Variants in COP1 observed in about 807,000 individuals in gnomAD.
COP1 encodes COP1 E3 ubiquitin ligase.
COP1 carries 24 observed loss-of-function variants against 101.3 expected under a neutral mutation model. The ratio of observed to expected loss-of-function variants is 0.24; its 90% confidence interval spans 0.17 to 0.33. The LOEUF (loss-of-function observed/expected upper bound fraction) is 0.33. Ranked by LOEUF, COP1 falls within the 10% of genes least tolerant of loss-of-function variation. The pLI is 1.00. For synonymous variants in COP1, 347 were observed against 341.9 expected, an observed-to-expected ratio of 1.01 and a Z score of -0.17; for missense variants, 663 against 906.2, an observed-to-expected ratio of 0.73 and a Z score of 3.45.
At chr1:175,978,401 A>G (rs1655056553) in intron 18 of COP1, among the ~76,000 whole-genome samples, 1 of 152,164 alleles carries the variant, frequency 6.6e-6, no homozygotes, top group African/African-American at 2.4e-5. Flanking sequence ...AATGCAACAG[A>G]TGTTTTCCCA....
intron 1 of COP1, among the ~76,000 whole-genome samples, chr1:176,185,926 T>C (rs1001861283): frequency 6.6e-6 from 1 of 152,222 alleles, no homozygotes; most frequent in Non-Finnish European, 1.5e-5. Flanking sequence ...GAAAAATTTC[T>C]TGGGCATAAA....
intron 9 of COP1, among the ~76,000 whole-genome samples, chr1:176,115,678 G>T (rs1686069453): frequency 6.7e-6 from 1 of 149,096 alleles, no homozygotes; most frequent in Admixed American, 6.7e-5. Context: ...GAACCCAGGA[G>T]GAGGTTGCAG....
intron 15 of COP1, among the ~76,000 whole-genome samples, chr1:175,989,884 A>C (rs1288900658): frequency 6.6e-6 from 1 of 152,178 alleles, no homozygotes; most frequent in Non-Finnish European, 1.5e-5. Flanking sequence ...ACTAAATTTA[A>C]CCAGCAGTTC....
chr1:176,102,685 A>C (rs1182192721), intron 9 of COP1, among the ~76,000 whole-genome samples: 2 of 152,222 alleles, frequency 1.3e-5, no homozygotes, highest in Non-Finnish European at 2.9e-5. Flanking sequence ...CAAATTAGCC[A>C]CAAGATTAGA....
intron 1 of COP1, among the ~76,000 whole-genome samples, chr1:176,194,435 C>G (rs565518806): frequency 1.3e-5 from 2 of 152,146 alleles, no homozygotes; most frequent in South Asian, 4.1e-4. Context: ...GTCAGGAGAT[C>G]AAGACCATCC....
intron 8 of COP1, among the ~76,000 whole-genome samples, chr1:176,129,444 T>TA (rs766887291): frequency 4.0e-5 from 6 of 151,854 alleles, no homozygotes; most frequent in East Asian, 1.9e-4. Flanking sequence ...GACAATTTTT[T>TA]AAAAAAAATG....
chr1:176,004,834 C>G (rs1363305161), intron 15 of COP1, among the ~76,000 whole-genome samples: 2 of 151,164 alleles, frequency 1.3e-5, no homozygotes, highest in Admixed American at 6.6e-5. Flanking sequence ...GTGTCTCTGC[C>G]CGGCTTTGGT....
At chr1:176,174,633 A>T (rs1372312364) in intron 3 of COP1, among the ~76,000 whole-genome samples, 1 of 152,252 alleles carries the variant, frequency 6.6e-6, no homozygotes, top group Non-Finnish European at 1.5e-5. Flanking sequence ...GCAGATAAAA[A>T]GGAAAACCAT....
rs1208342335 is a variant in COP1 at position 176,151,322 on chromosome 1, GGAAAGAAAGAAA to G, written c.763-2260_763-2249del. ...AGAAAGAAAGGAGAGAAAGAAAGAA[GGAAAGAAAGAAA>G]GAAGGAAGGAAAGAAAGAAAAAGAA... is the stretch of plus-strand genomic sequence containing the variant. On this transcript the variant is annotated intron_variant, in intron 5 of 19. Transcript: ENST00000367669. Among the ~76,000 whole-genome samples the G allele has an allele frequency of 6.6e-3, 657 of 99,454 alleles. 4 individuals are homozygous for G. Among genetic ancestry groups the G allele is most frequent in the African/African-American group, 0.027 (629 of 23,310 alleles). 65.2% of individuals were successfully genotyped at this position (99,454 alleles called of 152,430 possible).
intron 5 of COP1, among the ~76,000 whole-genome samples, chr1:176,161,882 G>A (rs1339255438): frequency 6.6e-6 from 1 of 152,220 alleles, no homozygotes; most frequent in Non-Finnish European, 1.5e-5. Flanking sequence ...CCCCACCACA[G>A]TCAGTGGGAT....
chr1:176,006,849 G>A (rs1420611829), intron 15 of COP1, among the ~76,000 whole-genome samples: 6 of 151,876 alleles, frequency 4.0e-5, no homozygotes, highest in African/African-American at 1.2e-4. Flanking sequence ...TTCTCGAGGA[G>A]TATCTTTGTG....
intron 18 of COP1, among the ~76,000 whole-genome samples, chr1:175,961,528 G>A (rs1440198086): frequency 6.6e-6 from 1 of 151,808 alleles, no homozygotes; most frequent in Non-Finnish European, 1.5e-5. Context: ...AGGGGAAATG[G>A]ACTTTTAACA....
At chr1:176,173,637 C>CA (rs776004659) in intron 3 of COP1, among the ~76,000 whole-genome samples, 2,886 of 120,328 alleles carry the variant, frequency 0.024, 86 homozygotes, top group African/African-American at 0.075. Context: ...GGCGCTGTCT[C>CA]AAAAAAAAAA....
chr1:175,963,125 G>C (rs1046979618), intron 18 of COP1, among the ~76,000 whole-genome samples: 3 of 151,826 alleles, frequency 2.0e-5, no homozygotes, highest in Admixed American at 6.6e-5. Flanking sequence ...TACCTGAGTA[G>C]ACTCTCTACT....
At chr1:176,174,934 A>G (rs1164623976) in intron 3 of COP1, among the ~76,000 whole-genome samples, 2 of 152,088 alleles carry the variant, frequency 1.3e-5, no homozygotes, top group Non-Finnish European at 2.9e-5. Context: ...AACATGCAGA[A>G]TTTTTCTGAT....
At chr1:176,044,140 G>C (rs776842536) in intron 12 of COP1, among the ~76,000 whole-genome samples, 1 of 152,166 alleles carries the variant, frequency 6.6e-6, no homozygotes, top group Non-Finnish European at 1.5e-5. Flanking sequence ...ACTATCCAGA[G>C]GGCTCAAGGC....
At chr1:176,163,304 GT>G (rs1694617348) in intron 4 of COP1, among the ~76,000 whole-genome samples, 1 of 152,160 alleles carries the variant, frequency 6.6e-6, no homozygotes, top group African/African-American at 2.4e-5. Flanking sequence ...AATTTTGCAT[GT>G]AGTAAGGTAT....
chr1:175,958,990 C>A (rs771183778), intron 18 of COP1, among the ~76,000 whole-genome samples: 4 of 151,822 alleles, frequency 2.6e-5, no homozygotes, highest in Non-Finnish European at 5.9e-5. Context: ...GAAATCAAAA[C>A]CTGACATGGA....
chr1:176,193,076 C>G (rs1313000894), intron 1 of COP1, among the ~76,000 whole-genome samples: 1 of 152,006 alleles, frequency 6.6e-6, no homozygotes, highest in Non-Finnish European at 1.5e-5. Context: ...CCTTTGGCTA[C>G]CAAGAAACAT....
Sources: gnomAD v4.1 joint callset for allele counts (sites outside exome capture counted in the v4.1 genomes callset) on GRCh38, gnomAD v4.1.1 for gene constraint, MANE v1.5 for transcripts, NCBI Gene and HGNC (gene_info 2026-07-23, HGNC 2026-07-21) for gene names.